The following CPNE3 variants were observed in gnomAD, a reference collection of about 807,000 sequenced individuals.
CPNE3 encodes the protein copine 3, also known as copine-3.
A neutral mutation model predicts 63.9 loss-of-function variants in CPNE3; 68 were observed. The ratio of observed to expected loss-of-function variants is 1.06; its 90% CI spans 0.87 to 1.30. The LOEUF (loss-of-function observed/expected upper bound fraction) is 1.30. Among genes scored for constraint, CPNE3 ranks in the 50% most tolerant of loss-of-function variants. CPNE3 has a pLI of 0.00. For synonymous variants in CPNE3, 219 were observed against 197.5 expected, an observed-to-expected ratio of 1.11 and a Z score of -0.91; for missense variants, 665 against 578.1, an observed-to-expected ratio of 1.15 and a Z score of -1.54.
At position 86,554,976 on chromosome 8, in the gene CPNE3, A is replaced by G. The variant is rs138985360; in HGVS notation, c.1246A>G (p.Thr416Ala). Residue 416 changes from threonine (T) to alanine (A), a missense_variant, in exon 15 of 17, where the codon ACA becomes GCA. Physicochemically the swap from Thr to Ala is moderately conservative, Grantham distance 58 (BLOSUM62 0). Coordinates refer to ENST00000517490, the MANE Select transcript of CPNE3 (RefSeq NM_003909.5). ...RFAAAATQQQTASQYFVLLII... is the reference protein window; with the variant it reads ...RFAAAATQQQAASQYFVLLII... ...TGCTGCTGCAGCCACGCAACAGCAG[A>G]CAGCTTCTGTAAGTGCTCTATGGCC... The G allele has an allele frequency of 1.2e-6, 2 of 1,614,024 alleles. No individual in the cohort carries two copies. The highest frequency in any genetic ancestry group is 1.7e-6 in the Non-Finnish European group (2 of 1,180,020).
rs1821373205 is a variant in CPNE3, at chr8:86,558,570, T to G, written c.*160T>G. On this transcript the variant is annotated 3_prime_UTR_variant, in exon 17 of 17. Coordinates refer to ENST00000517490, the MANE Select transcript of CPNE3 (RefSeq NM_003909.5). ...TTAAAGCATTCTTTCTAGGTTATTT[T>G]GGGGGGACAGTGCCAAGTCCATCTT... 2 of 607,978 alleles carry G rather than the reference T, an allele frequency of 3.3e-6. No homozygotes were observed. Among genetic ancestry groups the G allele is most frequent in the Non-Finnish European group, 5.8e-6 (2 of 344,144 alleles). 37.7% of individuals were successfully genotyped at this position (607,978 alleles called of 1,614,324 possible). A position where few individuals can be genotyped will look rare whatever the true frequency, so the allele number is the denominator to read the frequency against.
intron 8 of CPNE3, among the ~76,000 whole-genome samples, chr8:86,543,652 C>T (rs1820990683): frequency 6.6e-6 from 1 of 152,114 alleles, no homozygotes; most frequent in African/African-American, 2.4e-5. Context: ...ACAAGGCATA[C>T]CGTCTTCTAA....
At position 86,522,274 on chromosome 8, in the gene CPNE3, G is replaced by A. The variant is rs535993301; in HGVS notation, c.-10-6262G>A. On this transcript the variant is annotated intron_variant, in intron 2 of 16. Coordinates refer to ENST00000517490, the MANE Select transcript of CPNE3 (RefSeq NM_003909.5). The stretch of plus-strand genomic sequence containing the variant: ...TTTCTATGTATACATAGTTAGCTAA[G>A]TAGCTAAGTATTTATTTCGTTTTTG... Among the ~76,000 whole-genome samples, 19 of 152,202 alleles carry A rather than the reference G, an allele frequency of 1.2e-4. No individual in the cohort carries two copies. In the East Asian group the frequency reaches 2.5e-3, roughly 20 times the overall value.
Position 86,546,594 on chromosome 8 carries a change from G to C in CPNE3, c.733-1G>C. On this transcript the variant is annotated splice_acceptor_variant, in intron 9 of 16. Transcript: ENST00000517490. LOFTEE classifies it high-confidence loss of function. ...AACATTTTTGTCTTCTCTTCCTACA[G>C]GTTGAATTTGAATGCATAAATGAGA... is the stretch of plus-strand genomic sequence containing the variant. 6.2e-7 allele frequency: 1 copy of C among 1,611,606 alleles called. No homozygotes were observed. Among genetic ancestry groups the C allele is most frequent in the Non-Finnish European group, 8.5e-7 (1 of 1,179,354 alleles).
intron 2 of CPNE3, among the ~76,000 whole-genome samples, chr8:86,518,236 A>G (rs560742387): frequency 7.2e-5 from 11 of 152,184 alleles, no homozygotes; most frequent in Non-Finnish European, 1.5e-4. Context: ...ATGCATTTAG[A>G]GTCGGGGCAT....
At chr8:86,536,314 T>A (rs551272119) in intron 6 of CPNE3, among the ~76,000 whole-genome samples, 1 of 147,974 alleles carries the variant, frequency 6.8e-6, no homozygotes, top group South Asian at 2.2e-4. Flanking sequence ...AGATGTACAC[T>A]TTCCTCCACT....
At chr8:86,523,586 T>G (rs1820480144) in intron 2 of CPNE3, among the ~76,000 whole-genome samples, 1 of 151,928 alleles carries the variant, frequency 6.6e-6, no homozygotes, top group African/African-American at 2.4e-5. Flanking sequence ...ATTTGAAGTG[T>G]TTGTTTTGTT....
intron 2 of CPNE3, among the ~76,000 whole-genome samples, chr8:86,521,027 A>C (rs1820425412): frequency 6.6e-6 from 1 of 152,206 alleles, no homozygotes. Flanking sequence ...TAGTGATTAA[A>C]AAAATACATC....
intron 4 of CPNE3, among the ~76,000 whole-genome samples, chr8:86,530,536 G>C (rs1345409305): frequency 6.6e-6 from 1 of 152,006 alleles, no homozygotes; most frequent in Non-Finnish European, 1.5e-5. Flanking sequence ...TAAGTGATTT[G>C]TTTATGCGAT....
chr8:86,519,298 A>T (rs1344214132), intron 2 of CPNE3, among the ~76,000 whole-genome samples: 1 of 152,210 alleles, frequency 6.6e-6, no homozygotes, highest in East Asian at 1.9e-4. Context: ...AAGGGTCTTT[A>T]GTTGATTGCT....
intron 2 of CPNE3, among the ~76,000 whole-genome samples, chr8:86,527,790 CAG>C (rs1363687223): frequency 6.6e-6 from 1 of 151,674 alleles, no homozygotes; most frequent in African/African-American, 2.4e-5. Flanking sequence ...ATCTTGAAAA[CAG>C]AAAATATCCC....
rs149396205 is a variant in CPNE3 at position 86,555,148 on chromosome 8, T to C, written c.1254+164T>C. On this transcript the variant is annotated intron_variant, in intron 15 of 16. Coordinates refer to ENST00000517490, the MANE Select transcript of CPNE3 (RefSeq NM_003909.5). ...ACTTTTGTTGTTGTTATACTAGTGA[T>C]CGTTAAAAATAAGACAACAGCAAAA... Among the ~76,000 whole-genome samples, 328 of 152,162 alleles carry C rather than the reference T, an allele frequency of 2.2e-3. 4 individuals are homozygous for C. Among genetic ancestry groups the C allele is most frequent in the African/African-American group, 6.8e-3 (284 of 41,508 alleles).
At chr8:86,551,855 C>T (rs960391714) in intron 14 of CPNE3, among the ~76,000 whole-genome samples, 2 of 152,228 alleles carry the variant, frequency 1.3e-5, no homozygotes, top group East Asian at 3.9e-4. Context: ...GACAAGGTCT[C>T]GCTATGTTGG....
At chr8:86,547,821 G>C (rs745687622) in intron 11 of CPNE3, 51 bp downstream of exon 11, 20 of 872,046 alleles carry the variant, frequency 2.3e-5, no homozygotes, top group Non-Finnish European at 3.6e-5. Context: ...CCATGTTGCA[G>C]TATATTTTCT....
chr8:86,548,998 G>A (rs1009449137), intron 12 of CPNE3, among the ~76,000 whole-genome samples: 11 of 152,226 alleles, frequency 7.2e-5, no homozygotes, highest in African/African-American at 2.6e-4. Flanking sequence ...GAAATATTCT[G>A]AATGGTTATC....
At chr8:86,541,607 G>A (rs1820940524) in intron 8 of CPNE3, among the ~76,000 whole-genome samples, 1 of 151,772 alleles carries the variant, frequency 6.6e-6, no homozygotes, top group Admixed American at 6.6e-5. Flanking sequence ...GGGAGGCTTA[G>A]GTGGGAGGAT....
At chr8:86,544,557 A>C (rs1251828115) in intron 8 of CPNE3, among the ~76,000 whole-genome samples, 183 bp from the exon 9 acceptor site, 2 of 152,152 alleles carry the variant, frequency 1.3e-5, no homozygotes, top group Non-Finnish European at 2.9e-5. Flanking sequence ...TGGGGTTTGA[A>C]AGTGTTTCAA....
At chr8:86,536,871 G>A (rs1187766631) in intron 6 of CPNE3, among the ~76,000 whole-genome samples, 3 of 152,178 alleles carry the variant, frequency 2.0e-5, no homozygotes, top group Admixed American at 2.0e-4. Flanking sequence ...TGTGTATTGA[G>A]GATGGTGATA....
chr8:86,545,475 A>G (rs972279820), intron 9 of CPNE3: 1 of 152,208 alleles, frequency 6.6e-6, no homozygotes, highest in Non-Finnish European at 1.5e-5. Flanking sequence ...CCCTTTTTCA[A>G]TGAGAATTCG....
Sources: gnomAD v4.1 joint callset for allele counts (sites outside exome capture counted in the v4.1 genomes callset) on GRCh38, gnomAD v4.1.1 for gene constraint, MANE v1.5 for transcripts, NCBI Gene and HGNC (gene_info 2026-07-23, HGNC 2026-07-21) for gene names.